The following MYCBP2 variants were observed in gnomAD, a reference collection of about 807,000 sequenced individuals.
MYCBP2 encodes MYC binding protein 2.
MYCBP2 carries 120 observed loss-of-function variants against 525.3 expected under a neutral mutation model. That is an observed-to-expected ratio of 0.23 (90% CI 0.20 to 0.27). The LOEUF (loss-of-function observed/expected upper bound fraction) is 0.27, where lower values mean the gene tolerates loss of function less well. Among genes scored for constraint, MYCBP2 ranks in the 10% least tolerant of loss-of-function variants. MYCBP2 has a pLI of 1.00. For synonymous variants in MYCBP2, 1,894 were observed against 1,955.8 expected (o/e 0.97, Z 0.83); for missense variants, 4,149 against 5,657.1 (o/e 0.73, Z 8.55).
chr13:77,070,345 C>A (rs1173390154), intron 69 of MYCBP2, among the ~76,000 whole-genome samples: 2 of 152,102 alleles, frequency 1.3e-5, no homozygotes, highest in African/African-American at 4.8e-5. Flanking sequence ...TGCCTGTGGC[C>A]CAGGATGGCT....
chr13:77,094,849 A>G lies in MYCBP2; in HGVS notation c.10199+509T>C, dbSNP rs555499828. Among the ~76,000 whole-genome samples, 6 of 152,236 alleles carry G rather than the reference A, an allele frequency of 3.9e-5. 1 individual carries two copies. The South Asian group carries it at 1.2e-3, about 32-fold the overall frequency. ...ATACTTCTATTGTAGCACTCCTCAC[A>G]TGGCATTTCAAATGTTTCACTAACA... On this transcript the variant is annotated intron_variant, in intron 58 of 82. Coordinates refer to ENST00000544440, the MANE Select transcript of MYCBP2 (RefSeq NM_015057.5).
intron 30 of MYCBP2, among the ~76,000 whole-genome samples, chr13:77,188,507 T>A (rs922864348): frequency 2.0e-5 from 3 of 152,222 alleles, no homozygotes; most frequent in African/African-American, 7.2e-5. Flanking sequence ...TTAACCTCAA[T>A]GGCACTGTGC....
chr13:77,219,055 T>C lies in MYCBP2; in HGVS notation c.2940-1098A>G, dbSNP rs142245813. 2.0e-5 allele frequency among the ~76,000 whole-genome samples: 3 copies of C among 152,206 alleles called. No homozygotes were observed. In the East Asian group the frequency reaches 5.8e-4, roughly 29 times the overall value. ...AGCAACAGAGTAGATAGTGGTAATA[T>C]TCACTTAAGCTATGAGAATGAATGA... On this transcript the variant is annotated intron_variant, in intron 20 of 82. Coordinates refer to ENST00000544440, the MANE Select transcript of MYCBP2 (RefSeq NM_015057.5).
chr13:77,190,138 A>C, intron 29 of MYCBP2, 114 bp downstream of exon 29: 1 of 550,422 alleles, frequency 1.8e-6, no homozygotes, highest in Non-Finnish European at 3.2e-6. Flanking sequence ...AGCATATTAT[A>C]ATTTGCTGAA....
chr13:77,081,411 A>G lies in MYCBP2; in HGVS notation c.11418+16T>C. On this transcript the variant is annotated intron_variant, in intron 65 of 82. Coordinates refer to ENST00000544440, the MANE Select transcript of MYCBP2 (RefSeq NM_015057.5). This position sits in a 1 kb window ranked among gnomAD's most constrained non-coding sequence, Gnocchi z 4.6. ...GAAAAGAGCTAAAGAGCCGTAAATCACGTTTGCTTTCTTACCCCAAGATCT... is the reference window on the plus strand; with the variant it reads ...GAAAAGAGCTAAAGAGCCGTAAATCGCGTTTGCTTTCTTACCCCAAGATCT... 6.2e-7 allele frequency: 1 copy of G among 1,604,926 alleles called. No homozygotes were observed. The highest frequency in any genetic ancestry group is 8.5e-7 in the Non-Finnish European group (1 of 1,174,276).
chr13:77,112,589 C>A (rs1271542878), intron 55 of MYCBP2, among the ~76,000 whole-genome samples: 2 of 151,620 alleles, frequency 1.3e-5, no homozygotes, highest in Non-Finnish European at 2.9e-5. Context: ...CTATGCCCAG[C>A]TGATCTTTAA....
At chr13:77,238,988 T>A (rs1186457679) in intron 17 of MYCBP2, among the ~76,000 whole-genome samples, 3 of 152,044 alleles carry the variant, frequency 2.0e-5, no homozygotes, top group Non-Finnish European at 2.9e-5. Flanking sequence ...GGTGTGGTGG[T>A]GCATGCCTAT....
chr13:77,207,466 G>A (rs529751646), intron 23 of MYCBP2, among the ~76,000 whole-genome samples: 5 of 152,174 alleles, frequency 3.3e-5, no homozygotes, highest in African/African-American at 9.6e-5. Context: ...AGGGATGCAA[G>A]CTATTGTTTA....
chr13:77,267,762 T>C, intron 8 of MYCBP2, 79 bp downstream of exon 8: 1 of 1,118,810 alleles, frequency 8.9e-7, no homozygotes, highest in Middle Eastern at 2.0e-4. Context: ...TTGCTAATCA[T>C]TCTTTATGTG....
intron 1 of MYCBP2, among the ~76,000 whole-genome samples, chr13:77,325,207 C>T (rs1355417120): frequency 6.6e-6 from 1 of 152,250 alleles, no homozygotes; most frequent in Non-Finnish European, 1.5e-5. Flanking sequence ...CTACAAATAC[C>T]TGACTTACAG....
chr13:77,129,210 T>C, intron 52 of MYCBP2: 1 of 397,928 alleles, frequency 2.5e-6, no homozygotes, highest in Non-Finnish European at 4.4e-6. Flanking sequence ...CCCTGACTCC[T>C]TGGCTAGCAT....
intron 15 of MYCBP2, among the ~76,000 whole-genome samples, chr13:77,247,461 G>A (rs750965706): frequency 6.6e-6 from 1 of 152,120 alleles, no homozygotes; most frequent in African/African-American, 2.4e-5. Flanking sequence ...CTATGTTCAT[G>A]GATTAGAAGA....
intron 20 of MYCBP2, among the ~76,000 whole-genome samples, chr13:77,223,331 C>A (rs1420435898): frequency 6.6e-6 from 1 of 152,148 alleles, no homozygotes; most frequent in Non-Finnish European, 1.5e-5. Flanking sequence ...TAATGTTATG[C>A]TGGAACCTAG....
At chr13:77,294,129 T>TATATATATATATAC (rs1450128273) in intron 2 of MYCBP2, among the ~76,000 whole-genome samples, 30 of 26,136 alleles carry the variant, frequency 1.1e-3, no homozygotes, top group South Asian at 7.6e-3. Flanking sequence ...TATATATATA[T>TATATATATATATAC]ACATATATAT....
chr13:77,170,321 T>C (rs2059008691), intron 38 of MYCBP2, among the ~76,000 whole-genome samples: 1 of 152,228 alleles, frequency 6.6e-6, no homozygotes, highest in Non-Finnish European at 1.5e-5. Flanking sequence ...TCCATGAACA[T>C]GGTGCTGGAA....
intron 13 of MYCBP2, among the ~76,000 whole-genome samples, chr13:77,260,155 C>T (rs1444692526): frequency 6.6e-6 from 1 of 152,164 alleles, no homozygotes; most frequent in Non-Finnish European, 1.5e-5. Flanking sequence ...CCCATAAGCA[C>T]CTGAGTCTAG....
At chr13:77,270,202 A>G (rs753860888) in intron 6 of MYCBP2, 94 bp downstream of exon 6, 3 of 1,455,208 alleles carry the variant, frequency 2.1e-6, no homozygotes, top group African/African-American at 1.4e-5. Flanking sequence ...CTAAAATTAG[A>G]TCATATTCTA....
chr13:77,154,041 T>A (rs2056897654), intron 46 of MYCBP2, among the ~76,000 whole-genome samples: 1 of 152,202 alleles, frequency 6.6e-6, no homozygotes, highest in Non-Finnish European at 1.5e-5. Flanking sequence ...ACTTTTATGC[T>A]TCAAATAATT....
At chr13:77,065,734 A>G (rs1045817467) in intron 72 of MYCBP2, among the ~76,000 whole-genome samples, 6 of 152,168 alleles carry the variant, frequency 3.9e-5, no homozygotes. Flanking sequence ...CTGAAAGAGC[A>G]TATTTTATTT....
Sources: gnomAD v4.1 joint callset for allele counts (sites outside exome capture counted in the v4.1 genomes callset) on GRCh38, gnomAD v4.1.1 for gene constraint, Gnocchi (gnomAD v3.1) non-coding constraint, MANE v1.5 for transcripts, NCBI Gene and HGNC (gene_info 2026-07-23, HGNC 2026-07-21) for gene names.